The following RALGAPA2 variants were observed in gnomAD, a reference collection of about 807,000 sequenced individuals.
The protein encoded by RALGAPA2 is Ral GTPase activating protein catalytic subunit alpha 2.
RALGAPA2 carries 139 observed loss-of-function variants against 230.4 expected under a neutral mutation model. The ratio of observed to expected loss-of-function variants is 0.60; its 90% CI spans 0.53 to 0.69. RALGAPA2 has a LOEUF of 0.69. RALGAPA2 is among the 30% of genes least tolerant of loss of function. The pLI, the probability that RALGAPA2 is intolerant of heterozygous loss-of-function variation, is 0.00. For missense variants in RALGAPA2, 2,163 were observed against 2,276.0 expected (o/e 0.95, Z 1.01); for synonymous variants, 847 against 837.8 (o/e 1.01, Z -0.19).
chr20:20,643,658 GGAA>G (rs2067114957), intron 4 of RALGAPA2, 109 bp from the exon 5 acceptor site: 10 of 1,049,544 alleles, frequency 9.5e-6, no homozygotes, highest in East Asian at 3.3e-5. Context: ...AAAAATAAAA[GGAA>G]GAAGGCTGAC....
chr20:20,512,224 T>TACACACAC (rs1257439741), intron 32 of RALGAPA2, among the ~76,000 whole-genome samples: 2,336 of 137,680 alleles, frequency 0.017, 34 homozygotes, highest in East Asian at 0.026. Context: ...CAACCCCCCC[T>TACACACAC]ACACACACAC....
intron 5 of RALGAPA2, among the ~76,000 whole-genome samples, chr20:20,642,226 C>T (rs915946860): frequency 2.0e-5 from 3 of 147,602 alleles, no homozygotes; most frequent in Admixed American, 7.0e-5. Context: ...AGGCAGGGGT[C>T]GGGGGATGGA....
At chr20:20,575,514 G>T (rs1332117794) in intron 20 of RALGAPA2, among the ~76,000 whole-genome samples, 2 of 151,688 alleles carry the variant, frequency 1.3e-5, no homozygotes, top group Non-Finnish European at 2.9e-5. Context: ...ACTCAGACGT[G>T]TTGGTGACTC....
intron 5 of RALGAPA2, among the ~76,000 whole-genome samples, chr20:20,641,673 A>G (rs966351150): frequency 6.6e-6 from 1 of 152,118 alleles, no homozygotes; most frequent in Non-Finnish European, 1.5e-5. Context: ...CAATAAAAAA[A>G]AAAAAGCAAA....
chr20:20,501,802 A>T (rs2062384883), intron 35 of RALGAPA2, among the ~76,000 whole-genome samples: 1 of 151,918 alleles, frequency 6.6e-6, no homozygotes, highest in Admixed American at 6.6e-5. Flanking sequence ...TTTTCCTTTC[A>T]CTTGAATACT....
intron 36 of RALGAPA2, among the ~76,000 whole-genome samples, chr20:20,480,579 T>C (rs775959097): frequency 1.3e-5 from 2 of 152,166 alleles, no homozygotes; most frequent in Admixed American, 6.5e-5. Flanking sequence ...AAGAGGAAAC[T>C]GATGGTCAGG....
chr20:20,559,809 C>A (rs771716301), intron 23 of RALGAPA2, among the ~76,000 whole-genome samples: 7 of 152,052 alleles, frequency 4.6e-5, no homozygotes, highest in Admixed American at 1.3e-4. Context: ...ACCTTTCGAA[C>A]AACAATTTCG....
intron 1 of RALGAPA2, among the ~76,000 whole-genome samples, chr20:20,682,533 G>T (rs879841427): frequency 6.6e-6 from 1 of 152,040 alleles, no homozygotes; most frequent in Non-Finnish European, 1.5e-5. Flanking sequence ...CCAAGACTAG[G>T]TCTGCACCTC....
At chr20:20,614,743 C>G (rs982289941) in intron 13 of RALGAPA2, among the ~76,000 whole-genome samples, 1 of 152,224 alleles carries the variant, frequency 6.6e-6, no homozygotes, top group African/African-American at 2.4e-5. Flanking sequence ...TGGTGGCCTA[C>G]AGTTCCTTTC....
chr20:20,664,426 T>C (rs1223251075), intron 3 of RALGAPA2, among the ~76,000 whole-genome samples: 1 of 152,136 alleles, frequency 6.6e-6, no homozygotes, highest in Non-Finnish European at 1.5e-5. Context: ...GAACATTCAG[T>C]GACCTTCACA....
At chr20:20,664,264 C>CA (rs1191602389) in intron 3 of RALGAPA2, among the ~76,000 whole-genome samples, 1 of 152,056 alleles carries the variant, frequency 6.6e-6, no homozygotes, top group Non-Finnish European at 1.5e-5. Flanking sequence ...TTATTAGGTA[C>CA]AAAAAATGCA....
chr20:20,425,436 A>C (rs2060362038), intron 37 of RALGAPA2, among the ~76,000 whole-genome samples: 1 of 152,212 alleles, frequency 6.6e-6, no homozygotes, highest in Admixed American at 6.5e-5. Context: ...TAAAATAATA[A>C]ATATCACTAC....
intron 30 of RALGAPA2, among the ~76,000 whole-genome samples, chr20:20,522,228 C>T (rs1008126403): frequency 1.5e-5 from 2 of 134,492 alleles, no homozygotes; most frequent in Non-Finnish European, 3.1e-5. Context: ...ATACACCCAA[C>T]AGAAATGCAT....
intron 37 of RALGAPA2, among the ~76,000 whole-genome samples, chr20:20,419,295 A>G (rs1333862507): frequency 6.6e-6 from 1 of 152,162 alleles, no homozygotes; most frequent in South Asian, 2.1e-4. Context: ...AAAATGGGCA[A>G]TTTGGCCAGA....
intron 14 of RALGAPA2, among the ~76,000 whole-genome samples, chr20:20,609,640 T>C (rs1281556558): frequency 6.6e-6 from 1 of 152,168 alleles, no homozygotes; most frequent in African/African-American, 2.4e-5. Flanking sequence ...AGCCAGGCAA[T>C]TGGTGGGAAT....
intron 36 of RALGAPA2, among the ~76,000 whole-genome samples, chr20:20,476,718 T>A (rs570750350): frequency 6.2e-5 from 9 of 146,164 alleles, no homozygotes; most frequent in Admixed American, 2.0e-4. Context: ...AATAAATAAA[T>A]AAAAGAAAAT....
intron 35 of RALGAPA2, among the ~76,000 whole-genome samples, chr20:20,496,912 T>C (rs928533398): frequency 1.3e-5 from 2 of 152,216 alleles, no homozygotes. Flanking sequence ...ATTGTACCTA[T>C]ACTGAAGGGT....
intron 33 of RALGAPA2, among the ~76,000 whole-genome samples, chr20:20,506,986 T>A (rs1256665168): frequency 6.6e-6 from 1 of 152,228 alleles, no homozygotes; most frequent in African/African-American, 2.4e-5. Context: ...TCACTTGCAG[T>A]TTCAACGGAT....
Position 20,412,116 on chromosome 20 carries a change from A to C in RALGAPA2, c.5528T>G (p.Ile1843Arg), listed in dbSNP as rs2060074356. 5.0e-6 allele frequency: 8 copies of C among 1,613,976 alleles called. No individual in the cohort carries two copies. In the East Asian group the frequency reaches 1.8e-4, roughly 36 times the overall value. The change falls in exon 38 of 40, where the codon ATA (isoleucine) becomes AGA (arginine). Residue 1843 changes from isoleucine (I) to arginine (R), a missense_variant. Transcript: ENST00000202677. ...YEERALYLEAIIQNHREVMTF... is the reference protein window; with the variant it reads ...YEERALYLEARIQNHREVMTF... ...CATTACTTCGCGGTGGTTCTGAATTATTGCTTCGAGATACAGAGCTCGCTC... is the reference window on the plus strand; with the variant it reads ...CATTACTTCGCGGTGGTTCTGAATTCTTGCTTCGAGATACAGAGCTCGCTC...
Sources: allele counts gnomAD v4.1 joint callset (sites outside exome capture counted in the v4.1 genomes callset), GRCh38; gene constraint gnomAD v4.1.1; transcripts MANE v1.5; gene names NCBI Gene and HGNC (gene_info 2026-07-23, HGNC 2026-07-21).